NR2F1-AS1: variants seen among roughly 807,000 people sequenced by gnomAD.
The protein encoded by NR2F1-AS1 is NR2F1 regulatory antisense RNA 1, also known as NR2F1 antisense RNA 1.
Position 93,491,303 on chromosome 5 carries a change from G to A in NR2F1-AS1, n.638+62458C>T, listed in dbSNP as rs554203301. 3.3e-5 allele frequency among the ~76,000 whole-genome samples: 5 copies of A among 151,184 alleles called. No homozygotes were observed. In the South Asian group the frequency reaches 8.5e-4, roughly 26 times the overall value. On this transcript the variant is annotated intron_variant and non_coding_transcript_variant, in intron 4 of 5. Transcript: ENST00000660523. ...TGGTGATAAGAGTGGTAGTGTTGGT[G>A]GTGGTAGTTGTCCTGGTAATGGTGG...
intron 4 of NR2F1-AS1, among the ~76,000 whole-genome samples, chr5:93,463,400 T>C (rs1162200869): frequency 6.6e-6 from 1 of 152,164 alleles, no homozygotes; most frequent in Non-Finnish European, 1.5e-5. Flanking sequence ...AGGCAGAAGT[T>C]TGCTGTGAGG....
intron 1 of NR2F1-AS1, among the ~76,000 whole-genome samples, chr5:93,576,385 G>A (rs908118577): frequency 2.7e-5 from 4 of 148,752 alleles, no homozygotes; most frequent in African/African-American, 5.0e-5. Flanking sequence ...GGGCATAATT[G>A]TTTACTGTTC....
intron 4 of NR2F1-AS1, among the ~76,000 whole-genome samples, chr5:93,474,412 C>A (rs1005296610): frequency 1.3e-5 from 2 of 152,146 alleles, no homozygotes; most frequent in African/African-American, 4.8e-5. Context: ...CATCTTTCAG[C>A]AGGCTGTACC....
intron 4 of NR2F1-AS1, among the ~76,000 whole-genome samples, chr5:93,550,978 T>C (rs1426037433): frequency 6.6e-6 from 1 of 151,990 alleles, no homozygotes; most frequent in Admixed American, 6.6e-5. Flanking sequence ...TTTTTTTTTT[T>C]AGTATTCTTA....
At chr5:93,538,199 A>C (rs1751877005) in intron 4 of NR2F1-AS1, among the ~76,000 whole-genome samples, 1 of 152,200 alleles carries the variant, frequency 6.6e-6, no homozygotes, top group Non-Finnish European at 1.5e-5. Context: ...ATGGCTGGGC[A>C]CAGTGGCTCA....
In NR2F1-AS1 at chr5:93,579,601, C is replaced by T. The variant is rs1452316103; in HGVS notation, n.313+866G>A. 6.6e-6 allele frequency among the ~76,000 whole-genome samples: 1 copy of T among 152,068 alleles called. No individual in the cohort carries two copies. Among genetic ancestry groups the T allele is most frequent in the Non-Finnish European group, 1.5e-5 (1 of 67,964 alleles). The stretch of plus-strand genomic sequence containing the variant: ...TCCTCGCTTCCGAGACCCCCCAGCC[C>T]CCGGGTGCAGTCCCCAGCATCGGCT... On this transcript the variant is annotated intron_variant and non_coding_transcript_variant, in intron 1 of 5. Coordinates refer to ENST00000660523, the Ensembl canonical transcript of NR2F1-AS1. This position sits in a 1 kb window ranked among gnomAD's most constrained non-coding sequence, Gnocchi z 5.1.
In NR2F1-AS1 at chr5:93,496,114, AT is replaced by A. The variant is rs1750954895; in HGVS notation, n.638+57646del. 3 of 152,332 alleles carry A rather than the reference AT, an allele frequency of 2.0e-5. No homozygotes were observed. The South Asian group carries it at 6.2e-4, about 32-fold the overall frequency. The allele number at this position is 152,332 out of a possible 1,614,324, so 9.4% of individuals were successfully genotyped here. A position where few individuals can be genotyped will look rare whatever the true frequency, so the allele number is the denominator to read the frequency against. On this transcript the variant is annotated intron_variant and non_coding_transcript_variant, in intron 4 of 5. Transcript: ENST00000660523. ...TCATTGTTAGAGGTCCTACAAGTAAATAAAATCAAAGTGAAATGTATAAGAA... is the reference window on the plus strand; with the variant it reads ...TCATTGTTAGAGGTCCTACAAGTAAAAAAATCAAAGTGAAATGTATAAGAA...
At chr5:93,532,342 G>C (rs1751752632) in intron 4 of NR2F1-AS1, among the ~76,000 whole-genome samples, 1 of 151,776 alleles carries the variant, frequency 6.6e-6, no homozygotes, top group African/African-American at 2.4e-5. Context: ...TGCTTCTTTT[G>C]TACACTTAGT....
At chr5:93,424,296 CATTAT>C (rs528792190) in intron 4 of NR2F1-AS1, among the ~76,000 whole-genome samples, 179 of 148,256 alleles carry the variant, frequency 1.2e-3, no homozygotes, top group Middle Eastern at 3.6e-3. Flanking sequence ...TCTACAAGTA[CATTAT>C]ATTATATTTT....
At chr5:93,563,448 G>C (rs1021998365) in exon 2 of NR2F1-AS1, 1 of 152,138 alleles carries the variant, frequency 6.6e-6, no homozygotes, top group African/African-American at 2.4e-5. Context: ...CTTTTCTCTT[G>C]AGTTTCATCT....
At chr5:93,550,714 C>T (rs542892853) in intron 4 of NR2F1-AS1, among the ~76,000 whole-genome samples, 3 of 152,210 alleles carry the variant, frequency 2.0e-5, no homozygotes, top group East Asian at 1.9e-4. Flanking sequence ...AAAATGTTAG[C>T]AAGTGCATTT....
intron 4 of NR2F1-AS1, among the ~76,000 whole-genome samples, chr5:93,422,774 T>C (rs1010482793): frequency 2.0e-5 from 3 of 152,156 alleles, no homozygotes; most frequent in African/African-American, 2.4e-5. Flanking sequence ...CAGTTGCACA[T>C]TGGTTAATCT....
chr5:93,557,027 A>G (rs1402829246), intron 2 of NR2F1-AS1, among the ~76,000 whole-genome samples: 4 of 152,224 alleles, frequency 2.6e-5, no homozygotes, highest in Non-Finnish European at 5.9e-5. Context: ...TGTGCTATTT[A>G]ATAGCTAAGC....
At chr5:93,503,206 C>A (rs897185823) in intron 4 of NR2F1-AS1, among the ~76,000 whole-genome samples, 1 of 152,008 alleles carries the variant, frequency 6.6e-6, no homozygotes, top group Non-Finnish European at 1.5e-5. Flanking sequence ...ACATGGAGAA[C>A]AATTATTTCA....
At chr5:93,493,277 TTC>T (rs776615687) in intron 4 of NR2F1-AS1, among the ~76,000 whole-genome samples, 24 of 151,988 alleles carry the variant, frequency 1.6e-4, no homozygotes, top group Non-Finnish European at 3.1e-4. Context: ...TTAAAAACAA[TTC>T]CATTTACAAT....
At chr5:93,522,101 G>A (rs1751513679) in intron 4 of NR2F1-AS1, among the ~76,000 whole-genome samples, 1 of 152,140 alleles carries the variant, frequency 6.6e-6, no homozygotes, top group Non-Finnish European at 1.5e-5. Flanking sequence ...GCAAACGAAT[G>A]CAGGAACAGG....
intron 4 of NR2F1-AS1, among the ~76,000 whole-genome samples, chr5:93,457,196 T>C (rs1342428575): frequency 1.3e-5 from 2 of 152,112 alleles, no homozygotes; most frequent in Non-Finnish European, 1.5e-5. Flanking sequence ...GTCTTTCCCT[T>C]CCCACGAGGC....
At chr5:93,488,535 T>G (rs1455699903) in intron 4 of NR2F1-AS1, among the ~76,000 whole-genome samples, 32 of 151,932 alleles carry the variant, frequency 2.1e-4, no homozygotes, top group Admixed American at 2.1e-3. Context: ...AAATCAAAAC[T>G]ACAATGAGAT....
At chr5:93,531,159 T>C (rs1045113576) in intron 4 of NR2F1-AS1, among the ~76,000 whole-genome samples, 5 of 152,180 alleles carry the variant, frequency 3.3e-5, no homozygotes, top group South Asian at 2.1e-4. Context: ...GCAGTATTCA[T>C]GATATCAAGA....
Sources: allele counts gnomAD v4.1 joint callset (sites outside exome capture counted in the v4.1 genomes callset), GRCh38; gene constraint gnomAD v4.1.1; non-coding constraint Gnocchi (gnomAD v3.1); transcripts MANE v1.5; gene names NCBI Gene and HGNC (gene_info 2026-07-23, HGNC 2026-07-21).